STAM: variants seen among roughly 807,000 people sequenced by gnomAD.
STAM encodes the protein signal transducing adaptor molecule.
Under a neutral mutation model 63.4 loss-of-function variants are expected in STAM, and 16 were observed. The ratio of observed to expected loss-of-function variants is 0.25; its 90% CI spans 0.17 to 0.38. The LOEUF (loss-of-function observed/expected upper bound fraction) is 0.38, where lower values mean the gene tolerates loss of function less well. Ranked by LOEUF, STAM falls within the 10% of genes least tolerant of loss-of-function variation. The pLI, the probability that STAM is intolerant of heterozygous loss-of-function variation, is 1.00. For missense variants in STAM, 636 were observed against 657.1 expected (o/e 0.97, Z 0.35); for synonymous variants, 238 against 223.9 (o/e 1.06, Z -0.56).
At chr10:17,644,513 C>T (rs1362049109) in intron 1 of STAM, 134 bp downstream of exon 1, 1 of 1,077,506 alleles carries the variant, frequency 9.3e-7, no homozygotes, top group Non-Finnish European at 1.4e-6. Context: ...AGGCTCCCTC[C>T]TTCAGAGCTG....
chr10:17,699,069 A>G (rs1039713231), intron 8 of STAM, among the ~76,000 whole-genome samples: 1 of 152,170 alleles, frequency 6.6e-6, no homozygotes, highest in Admixed American at 6.5e-5. Context: ...ATTGGACTTC[A>G]TGTTCTCGGG....
rs1304955209 is a variant in STAM at position 17,715,780 on chromosome 10, G to C, written c.*1000G>C. 2.0e-5 allele frequency: 3 copies of C among 152,176 alleles called. No homozygotes were observed. The highest frequency in any genetic ancestry group is 4.4e-5 in the Non-Finnish European group (3 of 67,744). 9.4% of individuals were successfully genotyped at this position (152,176 alleles called of 1,614,324 possible). A position where few individuals can be genotyped will look rare whatever the true frequency, so the allele number is the denominator to read the frequency against. On this transcript the variant is annotated 3_prime_UTR_variant, in exon 14 of 14. Transcript: ENST00000377524. ...TTACACTACATTTTCGAAGTCTCTT[G>C]TAATTATTTGGGATATCAACAAAAT...
At chr10:17,691,813 T>C (rs781882862) in intron 5 of STAM, among the ~76,000 whole-genome samples, 4 of 152,182 alleles carry the variant, frequency 2.6e-5, no homozygotes, top group Non-Finnish European at 4.4e-5. Flanking sequence ...TGTTTTAGAA[T>C]TTCATTTTTA....
At chr10:17,678,473 C>T (rs1449995754) in intron 2 of STAM, among the ~76,000 whole-genome samples, 6 of 152,102 alleles carry the variant, frequency 3.9e-5, no homozygotes, top group Non-Finnish European at 7.4e-5. Context: ...AGGCTGGTCT[C>T]GAACTCCTGA....
chr10:17,697,407 T>A (rs61842345), intron 8 of STAM, among the ~76,000 whole-genome samples: 14,331 of 152,252 alleles, frequency 0.094, 735 homozygotes, highest in Middle Eastern at 0.15. Flanking sequence ...GTTTCTCTAG[T>A]GTGTAGTCCC....
intron 2 of STAM, among the ~76,000 whole-genome samples, chr10:17,663,103 C>T (rs573549936): frequency 3.9e-5 from 6 of 152,182 alleles, no homozygotes; most frequent in African/African-American, 1.4e-4. Flanking sequence ...ATAAATATTC[C>T]ATGTTTTTCC....
At chr10:17,692,188 C>G (rs1835568438) in intron 5 of STAM, among the ~76,000 whole-genome samples, 1 of 152,100 alleles carries the variant, frequency 6.6e-6, no homozygotes, top group African/African-American at 2.4e-5. Context: ...AGTGGTAGAT[C>G]TGGGATTTGA....
At chr10:17,691,912 GC>G (rs1210957563) in intron 5 of STAM, among the ~76,000 whole-genome samples, 3 of 152,260 alleles carry the variant, frequency 2.0e-5, no homozygotes, top group African/African-American at 7.2e-5. Flanking sequence ...TAGCAACTTT[GC>G]ATCTGTAGAG....
At chr10:17,654,545 A>C (rs1006019466) in intron 1 of STAM, among the ~76,000 whole-genome samples, 1 of 152,136 alleles carries the variant, frequency 6.6e-6, no homozygotes, top group African/African-American at 2.4e-5. Flanking sequence ...TTTAAGGTCA[A>C]TGTGTTACTA....
chr10:17,680,091 T>G (rs1217678932), intron 2 of STAM, among the ~76,000 whole-genome samples: 1 of 152,196 alleles, frequency 6.6e-6, no homozygotes, highest in Non-Finnish European at 1.5e-5. Flanking sequence ...TGCCTCTCTT[T>G]ATTGTTTCCC....
intron 6 of STAM, 157 bp from the exon 7 acceptor site, chr10:17,694,892 C>T: frequency 1.7e-6 from 1 of 595,708 alleles, no homozygotes; most frequent in Non-Finnish European, 2.7e-6. Context: ...AATGAATAAA[C>T]TGACAAAATG....
intron 12 of STAM, 92 bp from the exon 13 acceptor site, chr10:17,708,684 C>A: frequency 7.9e-7 from 1 of 1,260,118 alleles, no homozygotes; most frequent in Non-Finnish European, 1.0e-6. Flanking sequence ...GGTGATTTTT[C>A]TTGTTTTTGT....
chr10:17,713,297 G>T (rs1319685541), intron 13 of STAM, among the ~76,000 whole-genome samples: 5 of 152,134 alleles, frequency 3.3e-5, no homozygotes, highest in South Asian at 2.1e-4. Flanking sequence ...CATGAAGCCC[G>T]GTGATTCTGA....
intron 7 of STAM, chr10:17,696,171 T>C (rs972236414): frequency 6.6e-6 from 1 of 152,150 alleles, no homozygotes; most frequent in African/African-American, 2.4e-5. Context: ...AACATTTTTT[T>C]TTTTTTGAGT....
chr10:17,670,666 AAGTTT>A (rs1554823970), intron 2 of STAM, among the ~76,000 whole-genome samples: 1 of 152,148 alleles, frequency 6.6e-6, no homozygotes, highest in East Asian at 1.9e-4. Flanking sequence ...CAGCATGTAG[AAGTTT>A]AGTTTATCTG....
intron 2 of STAM, among the ~76,000 whole-genome samples, chr10:17,670,130 A>G (rs1554823915): frequency 6.6e-6 from 1 of 152,120 alleles, no homozygotes; most frequent in Non-Finnish European, 1.5e-5. Flanking sequence ...GATTCAGGAG[A>G]GAATTGGGAT....
chr10:17,709,017 TCTATAA>T (rs1836433816), intron 13 of STAM, 66 bp downstream of exon 13: 1 of 1,527,818 alleles, frequency 6.5e-7, no homozygotes, highest in African/African-American at 1.4e-5. Flanking sequence ...CCCCCAGTTA[TCTATAA>T]CTATAAAATC....
chr10:17,679,868 G>A lies in STAM; in HGVS notation c.126-4807G>A, dbSNP rs139307329. On this transcript the variant is annotated intron_variant, in intron 2 of 13. Transcript: ENST00000377524. ...TTTAACTAGGTTATCCAATTTGTTG[G>A]CATAAAGTTGTTCATAGGGTCTTTT... 3.8e-4 allele frequency among the ~76,000 whole-genome samples: 58 copies of A among 151,650 alleles called. No individual in the cohort carries two copies. The East Asian group carries it at 0.01, about 27-fold the overall frequency.
At chr10:17,680,431 T>C (rs1191126496) in intron 2 of STAM, among the ~76,000 whole-genome samples, 2 of 150,410 alleles carry the variant, frequency 1.3e-5, no homozygotes, top group Non-Finnish European at 1.5e-5. Context: ...TTTTTTTTTT[T>C]CTTTTTTTGG....
Sources: allele counts gnomAD v4.1 joint callset (sites outside exome capture counted in the v4.1 genomes callset), GRCh38; gene constraint gnomAD v4.1.1; transcripts MANE v1.5; gene names NCBI Gene and HGNC (gene_info 2026-07-23, HGNC 2026-07-21).